The following AGBL4 variants were observed in gnomAD, a reference collection of about 807,000 sequenced individuals.
AGBL4 encodes AGBL carboxypeptidase 4.
A neutral mutation model predicts 66.4 loss-of-function variants in AGBL4; 58 were observed. The observed-to-expected ratio is 0.87, with a 90% CI of 0.71 to 1.09. The LOEUF (loss-of-function observed/expected upper bound fraction) is 1.09. Ranked by LOEUF, AGBL4 falls within the 50% of genes least tolerant of loss-of-function variation. AGBL4 has a pLI of 0.00. For synonymous variants in AGBL4, 234 were observed against 222.9 expected (o/e 1.05, Z -0.44); for missense variants, 579 against 631.0 (o/e 0.92, Z 0.88).
At chr1:49,421,113 CT>C in intron 3 of AGBL4, among the ~76,000 whole-genome samples, 1 of 152,160 alleles carries the variant, frequency 6.6e-6, no homozygotes, top group Non-Finnish European at 1.5e-5. Flanking sequence ...CACTTAAAAT[CT>C]TGAGTAAAAA....
chr1:48,721,186 T>C (rs1010462870), intron 6 of AGBL4, among the ~76,000 whole-genome samples: 2 of 151,972 alleles, frequency 1.3e-5, no homozygotes, highest in Non-Finnish European at 2.9e-5. Context: ...TTAAATTGAG[T>C]CACTCTTTTC....
chr1:49,569,940 T>C (rs1644293439), intron 3 of AGBL4, among the ~76,000 whole-genome samples: 1 of 152,186 alleles, frequency 6.6e-6, no homozygotes, highest in Non-Finnish European at 1.5e-5. Flanking sequence ...CTGAATAGTA[T>C]TCCACTGTGT....
chr1:49,232,802 A>T (rs1006668504), intron 4 of AGBL4, among the ~76,000 whole-genome samples: 4 of 152,082 alleles, frequency 2.6e-5, no homozygotes, highest in Admixed American at 6.6e-5. Context: ...TATGAAAGCA[A>T]TGATATTTAG....
intron 2 of AGBL4, among the ~76,000 whole-genome samples, chr1:49,821,335 A>T (rs1363461773): frequency 1.3e-5 from 2 of 152,306 alleles, no homozygotes; most frequent in Admixed American, 1.3e-4. Context: ...ATTTGGAGAG[A>T]CATTTAAACT....
chr1:49,545,066 A>G (rs1476662111), intron 3 of AGBL4, among the ~76,000 whole-genome samples: 1 of 152,176 alleles, frequency 6.6e-6, no homozygotes, highest in East Asian at 1.9e-4. Context: ...ATTACCGTTT[A>G]ATTCCTCTCC....
At chr1:48,638,657 C>T (rs1645706399) in intron 8 of AGBL4, among the ~76,000 whole-genome samples, 1 of 152,160 alleles carries the variant, frequency 6.6e-6, no homozygotes, top group African/African-American at 2.4e-5. Flanking sequence ...ATCTGTTGCT[C>T]CCCCAGCAAA....
At chr1:49,124,460 G>A (rs1365761238) in intron 4 of AGBL4, among the ~76,000 whole-genome samples, 2 of 152,236 alleles carry the variant, frequency 1.3e-5, no homozygotes, top group Non-Finnish European at 2.9e-5. Context: ...CCACCCACAC[G>A]AGCATGCTAC....
At chr1:49,686,250 G>A (rs1287829628) in intron 3 of AGBL4, among the ~76,000 whole-genome samples, 2 of 152,028 alleles carry the variant, frequency 1.3e-5, no homozygotes, top group Admixed American at 6.6e-5. Context: ...AAGGACCCCC[G>A]CCACGGCCCC....
At chr1:49,270,365 G>A (rs1390925087) in intron 3 of AGBL4, among the ~76,000 whole-genome samples, 2 of 152,128 alleles carry the variant, frequency 1.3e-5, no homozygotes, top group African/African-American at 4.8e-5. Context: ...TTCAGGTCAC[G>A]TCAGGTGGCC....
chr1:48,894,725 A>C (rs1238057166), intron 5 of AGBL4, among the ~76,000 whole-genome samples: 2 of 152,176 alleles, frequency 1.3e-5, no homozygotes, highest in African/African-American at 4.8e-5. Flanking sequence ...ATGAATCTCC[A>C]TTATTTCTGG....
intron 1 of AGBL4, among the ~76,000 whole-genome samples, chr1:49,861,919 G>A (rs72903797): frequency 0.032 from 4,927 of 152,178 alleles, 273 homozygotes; most frequent in African/African-American, 0.11. Context: ...CAAGAAGGAT[G>A]GCTATAAACA....
At chr1:48,560,261 A>T (rs10888606) in intron 11 of AGBL4, among the ~76,000 whole-genome samples, 57,536 of 152,112 alleles carry the variant, frequency 0.38, 11,955 homozygotes, top group African/African-American at 0.56. Flanking sequence ...GGCATCAGAA[A>T]GGGTATGTGT....
chr1:49,040,535 A>G (rs1279750977), intron 5 of AGBL4, among the ~76,000 whole-genome samples: 2 of 152,136 alleles, frequency 1.3e-5, no homozygotes, highest in African/African-American at 2.4e-5. Context: ...TAATAAGTCC[A>G]AACCGAAATC....
chr1:48,850,215 T>C (rs1438260495), intron 6 of AGBL4, among the ~76,000 whole-genome samples: 2 of 152,140 alleles, frequency 1.3e-5, no homozygotes, highest in Non-Finnish European at 2.9e-5. Context: ...ACTCAACAAG[T>C]AGTGATGATC....
intron 4 of AGBL4, among the ~76,000 whole-genome samples, chr1:49,108,293 C>G (rs1034906327): frequency 6.6e-6 from 1 of 152,146 alleles, no homozygotes; most frequent in Non-Finnish European, 1.5e-5. Flanking sequence ...ATTCTAGATA[C>G]CTGGGATACA....
At chr1:48,594,587 T>C (rs2148353439) in intron 9 of AGBL4, among the ~76,000 whole-genome samples, 1 of 152,360 alleles carries the variant, frequency 6.6e-6, no homozygotes, top group South Asian at 2.1e-4. Flanking sequence ...TGACACAGTT[T>C]ATCCATCTTT....
intron 3 of AGBL4, among the ~76,000 whole-genome samples, chr1:49,363,369 T>C (rs1644180674): frequency 6.6e-6 from 1 of 152,162 alleles, no homozygotes; most frequent in Non-Finnish European, 1.5e-5. Context: ...GCTGATATTA[T>C]TTAAAATTCT....
At chr1:49,438,419 A>G (rs1645951701) in intron 3 of AGBL4, among the ~76,000 whole-genome samples, 1 of 152,230 alleles carries the variant, frequency 6.6e-6, no homozygotes, top group African/African-American at 2.4e-5. Flanking sequence ...AGGAATTTAC[A>G]TGTCCTTGGC....
intron 8 of AGBL4, among the ~76,000 whole-genome samples, chr1:48,644,169 T>C (rs1365033794): frequency 6.6e-6 from 1 of 152,210 alleles, no homozygotes; most frequent in African/African-American, 2.4e-5. Context: ...GACAGCTATA[T>C]ACATTCAATT....
Sources: gnomAD v4.1 joint callset for allele counts (sites outside exome capture counted in the v4.1 genomes callset) on GRCh38, gnomAD v4.1.1 for gene constraint, MANE v1.5 for transcripts, NCBI Gene and HGNC (gene_info 2026-07-23, HGNC 2026-07-21) for gene names.